Variants in TRIP13 observed in about 807,000 individuals in gnomAD.
TRIP13 encodes the protein pachytene checkpoint protein 2 homolog.
Under a neutral mutation model 54.4 loss-of-function variants are expected in TRIP13, and 25 were observed. The observed-to-expected ratio is 0.46, with a 90% confidence interval of 0.33 to 0.64. The LOEUF is 0.64. Ranked by LOEUF, TRIP13 falls within the 30% of genes least tolerant of loss-of-function variation. The pLI, the probability that TRIP13 is intolerant of heterozygous loss-of-function variation, is 0.02. For synonymous variants in TRIP13, 207 were observed against 207.8 expected, an observed-to-expected ratio of 1.00 and a Z score of 0.03; for missense variants, 373 against 534.2, an observed-to-expected ratio of 0.70 and a Z score of 2.97.
chr5:902,054 A>G (rs1754003944), intron 5 of TRIP13, among the ~76,000 whole-genome samples: 1 of 152,222 alleles, frequency 6.6e-6, no homozygotes, highest in South Asian at 2.1e-4. Context: ...AGACATTCCT[A>G]TGATAAAGCT....
chr5:918,642 T>C (rs1215758728), downstream of TRIP13, among the ~76,000 whole-genome samples: 2 of 152,104 alleles, frequency 1.3e-5, no homozygotes, highest in Non-Finnish European at 2.9e-5. This position sits in a 1 kb window ranked among gnomAD's most constrained non-coding sequence, Gnocchi z 4.3. Context: ...AAGGGGAGTT[T>C]ATTAAGTATT....
In TRIP13 at chr5:911,291, G is replaced by A. The variant is rs147626583; in HGVS notation, c.867-552G>A. On this transcript the variant is annotated intron_variant, in intron 9 of 12. Coordinates refer to ENST00000166345, the MANE Select transcript of TRIP13 (RefSeq NM_004237.4). The surrounding 1 kb of genome is among the most constrained non-coding windows in gnomAD (Gnocchi z 4.7). ...CATGCGAAAGTGAGATCCTTGCTAG[G>A]CCGGGCGCGGTGGCTTACGCCTGTA... Among the ~76,000 whole-genome samples the A allele has an allele frequency of 6.6e-6, 1 of 152,334 alleles. No homozygotes were observed. The highest frequency in any genetic ancestry group is 1.9e-4 in the East Asian group (1 of 5,164).
intron 1 of TRIP13, 30 bp downstream of exon 1, chr5:893,120 G>A: frequency 6.4e-7 from 1 of 1,553,498 alleles, no homozygotes; most frequent in Non-Finnish European, 8.7e-7. Context: ...CACATCCTCT[G>A]GGCACCCACC....
chr5:907,083 C>A lies in TRIP13; in HGVS notation c.609-47C>A. 1 of 1,552,026 alleles carries A rather than the reference C, an allele frequency of 6.4e-7. No individual in the cohort carries two copies. The highest frequency in any genetic ancestry group is 8.9e-7 in the Non-Finnish European group (1 of 1,124,194). On this transcript the variant is annotated intron_variant, in intron 6 of 12. Coordinates refer to ENST00000166345, the MANE Select transcript of TRIP13 (RefSeq NM_004237.4). This position sits in a 1 kb window ranked among gnomAD's most constrained non-coding sequence, Gnocchi z 4.1. ...CGCGTGAATGGCTGCCGCTGAGGAT[C>A]CACAGGACCAGTTAGTAATTCTCTC... is the stretch of plus-strand genomic sequence containing the variant.
chr5:893,130 CCGCCCCGACCCCAGCGCGTGCACCG>C, intron 1 of TRIP13, 40 bp downstream of exon 1: 1 of 1,523,582 alleles, frequency 6.6e-7, no homozygotes, highest in Non-Finnish European at 8.8e-7. Context: ...GGGCACCCAC[CCGCCCCGACCCCAGCGCGTGCACCG>C]AGCCCCGACC....
rs377178196 is a variant in TRIP13 at position 900,392 on chromosome 5, A to G, written c.389-102A>G. 2.9e-5 allele frequency: 32 copies of G among 1,119,934 alleles called. No homozygotes were observed. The East Asian group carries it at 5.2e-4, about 18-fold the overall frequency. 69.4% of individuals were successfully genotyped at this position (1,119,934 alleles called of 1,614,324 possible). A position where few individuals can be genotyped will look rare whatever the true frequency, so the allele number is the denominator to read the frequency against. On this transcript the variant is annotated intron_variant, in intron 3 of 12. Coordinates refer to ENST00000166345, the MANE Select transcript of TRIP13 (RefSeq NM_004237.4). ...TCAGAATCATAGTCTTGCCTGGAGC[A>G]GCACAATGGGAAGCTCAGGCTTAGG...
chr5:900,302 C>T (rs1336985849), intron 3 of TRIP13, among the ~76,000 whole-genome samples, 192 bp from the exon 4 acceptor site: 4 of 152,138 alleles, frequency 2.6e-5, no homozygotes, highest in Non-Finnish European at 5.9e-5. Flanking sequence ...ATTTATTTTG[C>T]ATCTTTGATT....
At position 913,954 on chromosome 5, in the gene TRIP13, T is replaced by G. The variant is rs1384646526; in HGVS notation, c.1021-511T>G. Reference sequence around the variant, plus strand: ...GCATGACTTCCAGACAAATGATCTCTGAGGGGAACTTCTGGTGCTCAGCTC... The same window carrying G: ...GCATGACTTCCAGACAAATGATCTCGGAGGGGAACTTCTGGTGCTCAGCTC... On this transcript the variant is annotated intron_variant, in intron 10 of 12. Transcript: ENST00000166345. The surrounding 1 kb of genome is among the most constrained non-coding windows in gnomAD (Gnocchi z 4.5). 6.6e-6 allele frequency among the ~76,000 whole-genome samples: 1 copy of G among 152,202 alleles called. No homozygotes were observed. Among genetic ancestry groups the G allele is most frequent in the Non-Finnish European group, 1.5e-5 (1 of 68,042 alleles).
chr5:904,406 T>C (rs1754062878), intron 6 of TRIP13, among the ~76,000 whole-genome samples, 186 bp downstream of exon 6: 1 of 152,210 alleles, frequency 6.6e-6, no homozygotes, highest in African/African-American at 2.4e-5. Context: ...TGAGACTTAC[T>C]TGATTGCCAG....
In TRIP13 at chr5:904,480, G is replaced by C. The variant is rs528881192; in HGVS notation, c.608+260G>C. ...ATACTTTCTCCCCTTGCTGGATGCA[G>C]TGTTCGTCTCTAATTACGGATTTGT... On this transcript the variant is annotated intron_variant, in intron 6 of 12. Transcript: ENST00000166345. Among the ~76,000 whole-genome samples the C allele has an allele frequency of 7.9e-5, 12 of 152,314 alleles. No individual in the cohort carries two copies. The South Asian group carries it at 2.5e-3, about 32-fold the overall frequency.
At position 915,603 on chromosome 5, in the gene TRIP13, C is replaced by T. The variant is rs1221166407; in HGVS notation, c.1134-301C>T. On this transcript the variant is annotated intron_variant, in intron 11 of 12. Coordinates refer to ENST00000166345, the MANE Select transcript of TRIP13 (RefSeq NM_004237.4). The surrounding 1 kb of genome is among the most constrained non-coding windows in gnomAD (Gnocchi z 4.2). ...CTTCCCTGAGCACAAGGATGCTGGC[C>T]CTGGGGCAGAGCACACAGGTGTGCC... Among the ~76,000 whole-genome samples the T allele has an allele frequency of 6.6e-6, 1 of 152,198 alleles. No individual in the cohort carries two copies. The highest frequency in any genetic ancestry group is 2.4e-5 in the African/African-American group (1 of 41,440).
rs1165023940 is a variant in TRIP13, at chr5:908,970, T to C, written c.866+509T>C. On this transcript the variant is annotated intron_variant, in intron 9 of 12. Transcript: ENST00000166345. This position sits in a 1 kb window ranked among gnomAD's most constrained non-coding sequence, Gnocchi z 5.2. ...AAGACTCCGTCTCAGAAAAAAAAAATGTGAAAGAAAACTCAGGCATGGTAA... is the reference window on the plus strand; with the variant it reads ...AAGACTCCGTCTCAGAAAAAAAAAACGTGAAAGAAAACTCAGGCATGGTAA... 2 of 159,022 alleles carry C rather than the reference T, an allele frequency of 1.3e-5. No individual in the cohort carries two copies. The highest frequency in any genetic ancestry group is 2.8e-5 in the Non-Finnish European group (2 of 72,190). The allele number at this position is 159,022 out of a possible 1,614,324, so 9.9% of individuals were successfully genotyped here.
chr5:904,322 C>T (rs936942401), intron 6 of TRIP13, 102 bp downstream of exon 6: 13 of 918,970 alleles, frequency 1.4e-5, no homozygotes, highest in South Asian at 1.3e-4. Context: ...ATAATAGATT[C>T]CTCTCCACTG....
At chr5:894,172 G>A (rs947430092) in intron 1 of TRIP13, among the ~76,000 whole-genome samples, 30 of 152,286 alleles carry the variant, frequency 2.0e-4, no homozygotes, top group Non-Finnish European at 2.6e-4. Flanking sequence ...GGGCTCAGAG[G>A]GAGGCAGACA....
chr5:904,036 A>T (rs1754053165), intron 5 of TRIP13, 112 bp from the exon 6 acceptor site: 1 of 945,564 alleles, frequency 1.1e-6, no homozygotes, highest in South Asian at 1.8e-5. Flanking sequence ...AATAACATTA[A>T]TAGCTTTTAA....
rs948062912 is a variant in TRIP13 at position 916,795 on chromosome 5, G to C, written c.1204-213G>C. Among the ~76,000 whole-genome samples the C allele has an allele frequency of 3.9e-5, 6 of 152,150 alleles. No individual in the cohort carries two copies. In the South Asian group the frequency reaches 6.2e-4, roughly 16 times the overall value. ...GACATTCAGGACATGGCGGGGGCGG[G>C]GGTCACGTAGCCACCTTGTTCGCCT... is the stretch of plus-strand genomic sequence containing the variant. On this transcript the variant is annotated intron_variant, in intron 12 of 12. Coordinates refer to ENST00000166345, the MANE Select transcript of TRIP13 (RefSeq NM_004237.4).
At chr5:910,398 TCTGTGGGGGGAATCCCAGAC>T (rs1754206104) in intron 9 of TRIP13, among the ~76,000 whole-genome samples, 1 of 152,134 alleles carries the variant, frequency 6.6e-6, no homozygotes, top group Admixed American at 6.5e-5. Context: ...AGCTCAGGGT[TCTGTGGGGGGAATCCCAGAC>T]CTGCACATCC....
rs1754169492 is a variant in TRIP13 at position 908,726 on chromosome 5, A to C, written c.866+265A>C. 1 of 1,108,710 alleles carries C rather than the reference A, an allele frequency of 9.0e-7. No individual in the cohort carries two copies. Among genetic ancestry groups the C allele is most frequent in the Non-Finnish European group, 1.2e-6 (1 of 864,874 alleles). The allele number at this position is 1,108,710 out of a possible 1,614,324, so 68.7% of individuals were successfully genotyped here. ...GTAATCCCAGCACTTTGGGAGGCCG[A>C]GGCAGGCGGATCACAAGGTCAGTAG... On this transcript the variant is annotated intron_variant, in intron 9 of 12. Transcript: ENST00000166345. This position sits in a 1 kb window ranked among gnomAD's most constrained non-coding sequence, Gnocchi z 5.2.
At chr5:896,548 G>T in intron 2 of TRIP13, 117 bp from the exon 3 acceptor site, 6 of 1,113,052 alleles carry the variant, frequency 5.4e-6, no homozygotes, top group Non-Finnish European at 7.4e-6. Context: ...CTGAGAACTA[G>T]CTTTGATTAT....
Sources: gnomAD v4.1 joint callset for allele counts (sites outside exome capture counted in the v4.1 genomes callset) on GRCh38, gnomAD v4.1.1 for gene constraint, Gnocchi (gnomAD v3.1) non-coding constraint, MANE v1.5 for transcripts, NCBI Gene and HGNC (gene_info 2026-07-23, HGNC 2026-07-21) for gene names.